The following FOXP4 variants were observed in gnomAD, a reference collection of about 807,000 sequenced individuals.
The protein encoded by FOXP4 is forkhead box protein P4.
FOXP4 carries 25 observed loss-of-function variants against 82.6 expected under a neutral mutation model. The observed-to-expected ratio is 0.30, with a 90% CI of 0.22 to 0.42. The LOEUF (loss-of-function observed/expected upper bound fraction) is 0.42, where lower values mean the gene tolerates loss of function less well. Among genes scored for constraint, FOXP4 ranks in the 10% least tolerant of loss-of-function variants. The probability of loss-of-function intolerance (pLI) is 1.00; values close to 1 mark genes in which losing one functional copy is unlikely to be tolerated. For synonymous variants in FOXP4, 415 were observed against 388.2 expected (o/e 1.07, Z -0.81); for missense variants, 785 against 900.9 (o/e 0.87, Z 1.65).
intron 14 of FOXP4, 63 bp downstream of exon 14, chr6:41,595,054 A>AC (rs1766750005): frequency 6.2e-7 from 1 of 1,603,642 alleles, no homozygotes; most frequent in Non-Finnish European, 8.5e-7. Flanking sequence ...ACTCACCCCC[A>AC]CCCCCTACCT....
At chr6:41,594,785 G>A (rs1766724858) in intron 13 of FOXP4, 85 bp from the exon 14 acceptor site, 6 of 1,577,910 alleles carry the variant, frequency 3.8e-6, no homozygotes, top group East Asian at 2.3e-5. Flanking sequence ...CCGCTGCTGC[G>A]TGGGACATGG....
Position 41,589,824 on chromosome 6 carries a change from G to A in FOXP4, c.1119G>A (p.Arg373=). The change falls in exon 10 of 17, where the codon CGG becomes CGA. Residue 373 remains arginine (R), a synonymous_variant. Transcript: ENST00000307972. ...LQAMMAHLHM[R]PSEPKPFSQP... ...CCATGATGGCCCACCTGCACATGCG[G>A]CCCTCGGAGCCCAAGCCCTTCAGCC... 6.2e-7 allele frequency: 1 copy of A among 1,610,646 alleles called. No individual in the cohort carries two copies.
chr6:41,595,359 C>T (rs931257107), intron 14 of FOXP4, among the ~76,000 whole-genome samples: 23 of 151,932 alleles, frequency 1.5e-4, no homozygotes, highest in Admixed American at 3.9e-4. Context: ...CCAGGGCACC[C>T]GCTCTCTCAG....
At position 41,562,780 on chromosome 6, in the gene FOXP4, G is replaced by A. The variant is rs566730345; in HGVS notation, c.-16-2965G>A. Among the ~76,000 whole-genome samples, 25 of 152,230 alleles carry A rather than the reference G, an allele frequency of 1.6e-4. 1 individual carries two copies. Among genetic ancestry groups the A allele is most frequent in the Non-Finnish European group, 3.1e-4 (21 of 68,042 alleles). On this transcript the variant is annotated intron_variant, in intron 1 of 16. Coordinates refer to ENST00000307972, the MANE Select transcript of FOXP4 (RefSeq NM_001012426.2). ...AGCAGGCAGCTGCTTTCCACCACCA[G>A]CAGAGCCAGGGTTGGGGGAGAGGCC...
intron 14 of FOXP4, among the ~76,000 whole-genome samples, chr6:41,595,529 C>G (rs1048036647): frequency 4.6e-5 from 7 of 152,228 alleles, no homozygotes; most frequent in Non-Finnish European, 8.8e-5. Flanking sequence ...GTCTTTTGTG[C>G]TCAGCTTCAC....
In FOXP4 at chr6:41,593,941, A is replaced by G. The variant is rs1424866267; in HGVS notation, c.1537-929A>G. Among the ~76,000 whole-genome samples the G allele has an allele frequency of 8.2e-6, 1 of 121,402 alleles. No individual in the cohort carries two copies. Among genetic ancestry groups the G allele is most frequent in the Non-Finnish European group, 1.9e-5 (1 of 52,796 alleles). 79.6% of individuals were successfully genotyped at this position (121,402 alleles called of 152,430 possible). On this transcript the variant is annotated intron_variant, in intron 13 of 16. Transcript: ENST00000307972. The surrounding 1 kb of genome is among the most constrained non-coding windows in gnomAD (Gnocchi z 4.1). ...CGGGGGAGGCTAAGGGAGGACAGGT[A>G]ACAGGGTCCAGGGATGCAGGCAGGG...
chr6:41,589,692 C>G (rs1766374003), intron 9 of FOXP4, 79 bp from the exon 10 acceptor site: 2 of 1,445,286 alleles, frequency 1.4e-6, no homozygotes, highest in East Asian at 2.3e-5. Flanking sequence ...TTCTGAAGAG[C>G]CTGGCGGTGG....
intron 1 of FOXP4, among the ~76,000 whole-genome samples, chr6:41,559,014 G>A (rs1562010624): frequency 6.6e-6 from 1 of 152,220 alleles, no homozygotes; most frequent in East Asian, 1.9e-4. Flanking sequence ...TGAAACCGAC[G>A]ACCCTTCTTT....
chr6:41,598,485 T>A (rs1277684512), intron 16 of FOXP4, among the ~76,000 whole-genome samples: 1 of 152,202 alleles, frequency 6.6e-6, no homozygotes, highest in Non-Finnish European at 1.5e-5. Flanking sequence ...CCCAAAATGC[T>A]GGGATTACAT....
At chr6:41,581,526 T>A (rs1765801277) in intron 3 of FOXP4, among the ~76,000 whole-genome samples, 1 of 152,174 alleles carries the variant, frequency 6.6e-6, no homozygotes, top group Non-Finnish European at 1.5e-5. Context: ...TCATGGGCCC[T>A]GCTGAGCCTG....
rs1767243137 is a variant in FOXP4 at position 41,602,341 on chromosome 6, G to GA, written c.*3406dup. ...TAAACCTAGCTGCATGTAATCTGTG[G>GA]ACAATGGCATTCTCTACAATGCAAT... On this transcript the variant is annotated 3_prime_UTR_variant, in exon 17 of 17. Coordinates refer to ENST00000307972, the MANE Select transcript of FOXP4 (RefSeq NM_001012426.2). 6.6e-6 allele frequency: 1 copy of GA among 152,200 alleles called. No homozygotes were observed. Among genetic ancestry groups the GA allele is most frequent in the African/African-American group, 2.4e-5 (1 of 41,412 alleles). The allele number at this position is 152,200 out of a possible 1,614,324, so 9.4% of individuals were successfully genotyped here.
Position 41,599,187 on chromosome 6 carries a change from A to C in FOXP4, c.*251A>C. ...ACGGAGGGTTCAGACCCCTCCTCAG[A>C]CCCTCCCCACATCTGAAACTGCCTC... On this transcript the variant is annotated 3_prime_UTR_variant, in exon 17 of 17. Transcript: ENST00000307972. 2.8e-6 allele frequency: 1 copy of C among 359,524 alleles called. No homozygotes were observed. The highest frequency in any genetic ancestry group is 2.1e-5 in the African/African-American group (1 of 47,128). The allele number at this position is 359,524 out of a possible 1,614,324, so 22.3% of individuals were successfully genotyped here. A position where few individuals can be genotyped will look rare whatever the true frequency, so the allele number is the denominator to read the frequency against.
intron 3 of FOXP4, among the ~76,000 whole-genome samples, chr6:41,584,139 G>A (rs958138982): frequency 5.3e-5 from 8 of 152,234 alleles, no homozygotes; most frequent in African/African-American, 1.9e-4. Context: ...TTAGGACCAG[G>A]ATGGCACCAA....
intron 1 of FOXP4, among the ~76,000 whole-genome samples, chr6:41,556,365 C>T (rs756028602): frequency 2.0e-5 from 3 of 151,158 alleles, no homozygotes; most frequent in Non-Finnish European, 2.9e-5. Context: ...GCTCTGTTGC[C>T]CAGGCTGGAG....
At chr6:41,554,750 C>T (rs531287135) in intron 1 of FOXP4, among the ~76,000 whole-genome samples, 1 of 152,248 alleles carries the variant, frequency 6.6e-6, no homozygotes, top group African/African-American at 2.4e-5. Context: ...GTCCCAGCTA[C>T]TCAGGAGGCT....
At chr6:41,590,781 T>TACAC (rs1207502591) in intron 12 of FOXP4, among the ~76,000 whole-genome samples, 1 of 152,196 alleles carries the variant, frequency 6.6e-6, no homozygotes, top group African/African-American at 2.4e-5. Flanking sequence ...CACAGGCATG[T>TACAC]ACACCTTCAC....
chr6:41,555,129 C>T lies in FOXP4; in HGVS notation c.-17+8262C>T, dbSNP rs764514108. On this transcript the variant is annotated intron_variant, in intron 1 of 16. Transcript: ENST00000307972. ...GGTGTGGTGGCATGTGACTGTAGTC[C>T]CAGCTACTCGGGAGGCTGAGACCAG... Among the ~76,000 whole-genome samples the T allele has an allele frequency of 4.7e-4, 71 of 152,002 alleles. 1 individual carries two copies. The highest frequency in any genetic ancestry group is 2.2e-3 in the Admixed American group (34 of 15,260).
At position 41,591,745 on chromosome 6, in the gene FOXP4, G is replaced by T. The variant is rs572852141; in HGVS notation, c.1536+423G>T. Among the ~76,000 whole-genome samples the T allele has an allele frequency of 2.0e-5, 3 of 152,206 alleles. No individual in the cohort carries two copies. Among genetic ancestry groups the T allele is most frequent in the African/African-American group, 7.2e-5 (3 of 41,436 alleles). ...AAGCCTGAGGTGGGGCTAGGAAAGC[G>T]CAGGTATAGACACACGGATGGACCA... On this transcript the variant is annotated intron_variant, in intron 13 of 16. Coordinates refer to ENST00000307972, the MANE Select transcript of FOXP4 (RefSeq NM_001012426.2). This position sits in a 1 kb window ranked among gnomAD's most constrained non-coding sequence, Gnocchi z 4.2.
chr6:41,578,106 C>A (rs1360836157), intron 3 of FOXP4, 25 bp downstream of exon 3: 1 of 1,601,248 alleles, frequency 6.2e-7, no homozygotes, highest in South Asian at 1.1e-5. Flanking sequence ...ACCCCGCTGG[C>A]TCTGGGTTGG....
Sources: allele counts gnomAD v4.1 joint callset (sites outside exome capture counted in the v4.1 genomes callset), GRCh38; gene constraint gnomAD v4.1.1; non-coding constraint Gnocchi (gnomAD v3.1); transcripts MANE v1.5; gene names NCBI Gene and HGNC (gene_info 2026-07-23, HGNC 2026-07-21).